The following NXNL2 variants were observed in gnomAD, a reference collection of about 807,000 sequenced individuals.
The protein encoded by NXNL2 is nucleoredoxin like 2.
Under a neutral mutation model 11.1 loss-of-function variants are expected in NXNL2, and 7 were observed. The observed-to-expected ratio is 0.63, with a 90% CI of 0.36 to 1.18. The LOEUF is 1.18. NXNL2 is among the 50% of genes most tolerant of loss of function. NXNL2 has a pLI of 0.02. For synonymous variants in NXNL2, 109 were observed against 101.8 expected, an observed-to-expected ratio of 1.07 and a Z score of -0.42; for missense variants, 233 against 217.7, an observed-to-expected ratio of 1.07 and a Z score of -0.44.
chr9:88,567,051 A>G (rs35082241), intron 1 of NXNL2, among the ~76,000 whole-genome samples: 30,408 of 151,770 alleles, frequency 0.2, 4,683 homozygotes, highest in East Asian at 0.78. Flanking sequence ...CCACAGACAG[A>G]CTGTGACTTC....
At chr9:88,537,961 A>G (rs940999802) in intron 1 of NXNL2, among the ~76,000 whole-genome samples, 2 of 152,226 alleles carry the variant, frequency 1.3e-5, no homozygotes, top group Non-Finnish European at 2.9e-5. Flanking sequence ...AGTTGAAGGC[A>G]GGGACCAACG....
At chr9:88,572,755 GAGA>G (rs1830291372) in intron 2 of NXNL2, among the ~76,000 whole-genome samples, 1 of 152,216 alleles carries the variant, frequency 6.6e-6, no homozygotes, top group East Asian at 1.9e-4. Context: ...TCTGAGTTAG[GAGA>G]AGGAGGTCCG....
Position 88,535,722 on chromosome 9 carries a change from C to T in NXNL2, c.288C>T (p.His96=), listed in dbSNP as rs1829599288. 2 of 1,577,914 alleles carry T rather than the reference C, an allele frequency of 1.3e-6. No individual in the cohort carries two copies. Among genetic ancestry groups the T allele is most frequent in the Non-Finnish European group, 1.7e-6 (2 of 1,168,272 alleles). Residue 96 remains histidine (H), a synonymous_variant, in exon 1 of 2, where the codon CAC becomes CAT. Transcript: ENST00000375854. ...LHGAWLALPF[H]DPYRHELRKR... ...GCGCCTGGCTGGCGCTGCCCTTCCA[C>T]GACCCCTACCGGCAGTGAGTGGGGG...
chr9:88,557,446 G>A (rs1161342253), intron 1 of NXNL2, among the ~76,000 whole-genome samples: 1 of 152,208 alleles, frequency 6.6e-6, no homozygotes, highest in African/African-American at 2.4e-5. Context: ...ATCACAGGGT[G>A]AGCACGTTCT....
Position 88,566,973 on chromosome 9 carries a change from CATCTATCTATCTATCT to C in NXNL2, c.303-4082_303-4067del, listed in dbSNP as rs371496393. Among the ~76,000 whole-genome samples the C allele has an allele frequency of 4.9e-5, 6 of 123,472 alleles. No homozygotes were observed. In the South Asian group the frequency reaches 8.6e-4, roughly 18 times the overall value. The allele number at this position is 123,472 out of a possible 152,430, so 81.0% of individuals were successfully genotyped here. ...AATCTATCATCTTTCTATTATCTAT[CATCTATCTATCTATCT>C]ATCTATCTATCTATCTATCTATCTA... On this transcript the variant is annotated intron_variant, in intron 1 of 2. Coordinates refer to the NXNL2 transcript ENST00000375855.
At chr9:88,552,949 A>G (rs1829961933) in intron 1 of NXNL2, among the ~76,000 whole-genome samples, 1 of 152,106 alleles carries the variant, frequency 6.6e-6, no homozygotes, top group African/African-American at 2.4e-5. Flanking sequence ...CACGACTAAG[A>G]CCTAAAAGGA....
chr9:88,536,395 C>G (rs770933802), intron 1 of NXNL2, among the ~76,000 whole-genome samples: 3 of 152,130 alleles, frequency 2.0e-5, no homozygotes, highest in African/African-American at 4.8e-5. Flanking sequence ...CTTTATTACT[C>G]TAACTGTTGC....
Position 88,535,615 on chromosome 9 carries a change from C to T in NXNL2, c.181C>T (p.Arg61Trp). 1 of 1,608,516 alleles carries T rather than the reference C, an allele frequency of 6.2e-7. No individual in the cohort carries two copies. ...FYTALVAEAR[R>W]PAPFEVVFVS... ...TACGGCGCTGGTGGCCGAGGCGCGGCGGCCCGCGCCCTTCGAAGTGGTCTT... is the reference window on the plus strand; with the variant it reads ...TACGGCGCTGGTGGCCGAGGCGCGGTGGCCCGCGCCCTTCGAAGTGGTCTT... Residue 61 changes from arginine (R) to tryptophan (W), a missense_variant, in exon 1 of 2, where the codon CGG (arginine) becomes TGG (tryptophan). Arg to Trp is a moderately radical substitution (Grantham distance 101). Transcript: ENST00000375854.
intron 1 of NXNL2, among the ~76,000 whole-genome samples, chr9:88,562,064 C>T (rs920657681): frequency 1.3e-5 from 2 of 152,112 alleles, no homozygotes; most frequent in South Asian, 2.1e-4. Flanking sequence ...AAGTAGAATG[C>T]GTAAATCATT....
chr9:88,550,332 T>C (rs1415690682), intron 1 of NXNL2, among the ~76,000 whole-genome samples: 1 of 152,182 alleles, frequency 6.6e-6, no homozygotes, highest in African/African-American at 2.4e-5. Flanking sequence ...AAGCTGGACC[T>C]GGGTCTGCCC....
chr9:88,560,397 C>T (rs977910960), intron 1 of NXNL2, among the ~76,000 whole-genome samples: 17 of 152,016 alleles, frequency 1.1e-4, no homozygotes, highest in East Asian at 1.9e-4. Context: ...CACTTGTCAT[C>T]GGAAAAATGG....
At chr9:88,583,369 TCTCTGAATTC>T (rs1299297681) in intron 1 of NXNL2, among the ~76,000 whole-genome samples, 1 of 152,212 alleles carries the variant, frequency 6.6e-6, no homozygotes, top group Non-Finnish European at 1.5e-5. Context: ...GAGGGAATGT[TCTCTGAATTC>T]CTCCAATCCA....
Position 88,535,353 on chromosome 9 carries a change from C to T in NXNL2, c.-82C>T. Reference sequence around the variant, plus strand: ...GGTGGTGCGGACAGAGGCGGGGCACCGCGGCGCTCGCCGCCGCCTCCCCGC... The same window carrying T: ...GGTGGTGCGGACAGAGGCGGGGCACTGCGGCGCTCGCCGCCGCCTCCCCGC... On this transcript the variant is annotated 5_prime_UTR_variant, in exon 1 of 2. Transcript: ENST00000375854. 1 of 1,371,802 alleles carries T rather than the reference C, an allele frequency of 7.3e-7. No homozygotes were observed. Among genetic ancestry groups the T allele is most frequent in the Non-Finnish European group, 9.6e-7 (1 of 1,036,968 alleles). 85.0% of individuals were successfully genotyped at this position (1,371,802 alleles called of 1,614,324 possible). A position where few individuals can be genotyped will look rare whatever the true frequency, so the allele number is the denominator to read the frequency against.
downstream of NXNL2, among the ~76,000 whole-genome samples, chr9:88,546,205 G>A (rs7856627): frequency 0.14 from 20,655 of 150,150 alleles, 4,559 homozygotes; most frequent in African/African-American, 0.47. Context: ...CTTTTAAAAG[G>A]TAGAGAAACG....
intron 1 of NXNL2, among the ~76,000 whole-genome samples, chr9:88,536,922 A>C (rs1298368908): frequency 6.6e-6 from 1 of 152,198 alleles, no homozygotes; most frequent in Admixed American, 6.5e-5. Context: ...TTCTTACAGA[A>C]TCAGTTCAAG....
At chr9:88,547,825 TGGCCAA>T (rs1564069371), downstream of NXNL2, among the ~76,000 whole-genome samples, 1 of 151,732 alleles carries the variant, frequency 6.6e-6, no homozygotes, top group African/African-American at 2.4e-5. Context: ...AAGACCAGCC[TGGCCAA>T]TGTGGTGAAA....
At chr9:88,556,547 G>A (rs1365081416) in intron 1 of NXNL2, among the ~76,000 whole-genome samples, 2 of 152,054 alleles carry the variant, frequency 1.3e-5, no homozygotes, top group Non-Finnish European at 2.9e-5. Flanking sequence ...TGGTCCATAA[G>A]CAGTCCTGGA....
At chr9:88,537,669 C>G (rs1005495193) in intron 1 of NXNL2, among the ~76,000 whole-genome samples, 1 of 152,196 alleles carries the variant, frequency 6.6e-6, no homozygotes, top group African/African-American at 2.4e-5. Flanking sequence ...CTGATTGGCT[C>G]TTGGTTCAAA....
At chr9:88,580,845 G>C (rs1830401315) in intron 1 of NXNL2, among the ~76,000 whole-genome samples, 1 of 151,916 alleles carries the variant, frequency 6.6e-6, no homozygotes, top group African/African-American at 2.4e-5. Flanking sequence ...TTTTAGTCTG[G>C]AATGGTTCCA....
Sources: gnomAD v4.1 joint callset for allele counts (sites outside exome capture counted in the v4.1 genomes callset) on GRCh38, gnomAD v4.1.1 for gene constraint, MANE v1.5 for transcripts, NCBI Gene and HGNC (gene_info 2026-07-23, HGNC 2026-07-21) for gene names.